Variants in DERA observed in about 807,000 individuals in gnomAD.
The protein encoded by DERA is 2-deoxy-D-ribose 5-phosphate aldolase.
Under a neutral mutation model 41.1 loss-of-function variants are expected in DERA, and 15 were observed. That is an observed-to-expected ratio of 0.37 (90% confidence interval 0.24 to 0.56). DERA has a LOEUF of 0.56. DERA is among the 20% of genes least tolerant of loss of function. DERA has a pLI of 0.81. For missense variants in DERA, 396 were observed against 403.4 expected, an observed-to-expected ratio of 0.98 and a Z score of 0.16; for synonymous variants, 139 against 137.4, an observed-to-expected ratio of 1.01 and a Z score of -0.08.
chr12:15,978,229 C>T (rs958162162), intron 5 of DERA, among the ~76,000 whole-genome samples: 38 of 152,290 alleles, frequency 2.5e-4, no homozygotes, highest in Middle Eastern at 3.4e-3. Flanking sequence ...GTCCTCAAAA[C>T]GACCTAAACA....
chr12:16,019,933 T>A lies in DERA; in HGVS notation c.638-12609T>A, dbSNP rs928970163. Among the ~76,000 whole-genome samples the A allele has an allele frequency of 6.6e-6, 1 of 152,162 alleles. No individual in the cohort carries two copies. The highest frequency in any genetic ancestry group is 1.5e-5 in the Non-Finnish European group (1 of 68,024). ...TCATGAATGGCTTTAGCACCATCCCTTTTGGTGATGAGTGATTTCTTGCTC... is the reference window on the plus strand; with the variant it reads ...TCATGAATGGCTTTAGCACCATCCCATTTGGTGATGAGTGATTTCTTGCTC... On this transcript the variant is annotated intron_variant, in intron 6 of 8. Coordinates refer to ENST00000428559, the MANE Select transcript of DERA (RefSeq NM_015954.4). This position sits in a 1 kb window ranked among gnomAD's most constrained non-coding sequence, Gnocchi z 4.4.
intron 1 of DERA, among the ~76,000 whole-genome samples, chr12:15,926,757 A>AAG (rs1948289197): frequency 6.6e-6 from 1 of 151,326 alleles, no homozygotes; most frequent in Non-Finnish European, 1.5e-5. Flanking sequence ...AAAAAAAAAA[A>AAG]AAAAGAAACA....
In DERA at chr12:16,003,065, T is replaced by C. The variant is rs549245409; in HGVS notation, c.637+20629T>C. Among the ~76,000 whole-genome samples the C allele has an allele frequency of 6.6e-5, 10 of 152,338 alleles. No individual in the cohort carries two copies. The highest frequency in any genetic ancestry group is 2.4e-4 in the African/African-American group (10 of 41,582). On this transcript the variant is annotated intron_variant, in intron 6 of 8. Coordinates refer to ENST00000428559, the MANE Select transcript of DERA (RefSeq NM_015954.4). The surrounding 1 kb of genome is among the most constrained non-coding windows in gnomAD (Gnocchi z 4.8). ...AGTTCTGAGGGTTAGAAGTCTGAGA[T>C]AAGGTGTGAGCAGGGTTAGTTCCTT...
At chr12:16,032,490 T>C in intron 6 of DERA, 52 bp from the exon 7 acceptor site, 1 of 1,045,740 alleles carries the variant, frequency 9.6e-7, no homozygotes, top group South Asian at 1.8e-5. Context: ...GACTCAAAAG[T>C]GTAAAAAAAG....
intron 1 of DERA, among the ~76,000 whole-genome samples, chr12:15,953,323 T>A (rs1378199214): frequency 6.6e-6 from 1 of 152,182 alleles, no homozygotes; most frequent in East Asian, 1.9e-4. Context: ...TATCATTTGG[T>A]GTTACATGCT....
chr12:15,980,651 G>A (rs1264095013), intron 5 of DERA, among the ~76,000 whole-genome samples: 1 of 152,118 alleles, frequency 6.6e-6, no homozygotes, highest in Non-Finnish European at 1.5e-5. Flanking sequence ...GGCAGGGTAA[G>A]GTAGGTGGTG....
In DERA at chr12:15,994,355, T is replaced by G. The variant is rs561499448; in HGVS notation, c.637+11919T>G. ...GACATAGAGGCTAGACCTGTGTTCATGTGTCTGAGATTCTGTTATTCCTTT... is the reference window on the plus strand; with the variant it reads ...GACATAGAGGCTAGACCTGTGTTCAGGTGTCTGAGATTCTGTTATTCCTTT... On this transcript the variant is annotated intron_variant, in intron 6 of 8. Coordinates refer to ENST00000428559, the MANE Select transcript of DERA (RefSeq NM_015954.4). The surrounding 1 kb of genome is among the most constrained non-coding windows in gnomAD (Gnocchi z 4.8). 1.8e-4 allele frequency among the ~76,000 whole-genome samples: 27 copies of G among 152,400 alleles called. No homozygotes were observed. In the East Asian group the frequency reaches 3.7e-3, roughly 21 times the overall value.
intron 1 of DERA, among the ~76,000 whole-genome samples, chr12:15,949,171 G>C (rs529973990): frequency 9.8e-5 from 15 of 152,286 alleles, no homozygotes; most frequent in Non-Finnish European, 1.6e-4. Flanking sequence ...GAGGCAGTCT[G>C]TCCATTCTCA....
At chr12:16,027,519 CAGAG>C (rs1464057614) in intron 6 of DERA, among the ~76,000 whole-genome samples, 1 of 152,144 alleles carries the variant, frequency 6.6e-6, no homozygotes, top group Non-Finnish European at 1.5e-5. Flanking sequence ...AAGAAAGACT[CAGAG>C]GGAGATTAGA....
Position 16,023,720 on chromosome 12 carries a change from G to A in DERA, c.638-8822G>A, listed in dbSNP as rs547488324. ...TCTCGATCTCCTGACCTCGTGATCCGCCCGCCTCGGCCTCCCAAAGTGCTG... is the reference window on the plus strand; with the variant it reads ...TCTCGATCTCCTGACCTCGTGATCCACCCGCCTCGGCCTCCCAAAGTGCTG... On this transcript the variant is annotated intron_variant, in intron 6 of 8. Coordinates refer to ENST00000428559, the MANE Select transcript of DERA (RefSeq NM_015954.4). 4.1e-4 allele frequency among the ~76,000 whole-genome samples: 62 copies of A among 151,872 alleles called. 1 individual carries two copies. The highest frequency in any genetic ancestry group is 1.4e-3 in the African/African-American group (58 of 41,448).
chr12:15,980,184 C>G (rs1030364857), intron 5 of DERA, among the ~76,000 whole-genome samples: 7 of 152,270 alleles, frequency 4.6e-5, no homozygotes, highest in African/African-American at 1.2e-4. Flanking sequence ...ATGCAAAGTA[C>G]TTTGTATATC....
intron 5 of DERA, among the ~76,000 whole-genome samples, chr12:15,969,976 C>T (rs1338009566): frequency 1.3e-5 from 2 of 152,134 alleles, no homozygotes; most frequent in Non-Finnish European, 2.9e-5. Flanking sequence ...TTTTATGCTA[C>T]AATTCTTCAA....
In DERA at chr12:15,931,478, C is replaced by T. The variant is rs1466375122; in HGVS notation, c.31+20064C>T. On this transcript the variant is annotated intron_variant, in intron 1 of 8. Coordinates refer to ENST00000428559, the MANE Select transcript of DERA (RefSeq NM_015954.4). This position sits in a 1 kb window ranked among gnomAD's most constrained non-coding sequence, Gnocchi z 4.6. The stretch of plus-strand genomic sequence containing the variant: ...AATTTCTCTAAGGTGTAATGATTCT[C>T]TCTGTAAGTTAGGCACATTTAGGTG... Among the ~76,000 whole-genome samples the T allele has an allele frequency of 6.6e-6, 1 of 152,212 alleles. No individual in the cohort carries two copies.
intron 5 of DERA, among the ~76,000 whole-genome samples, chr12:15,979,099 T>G (rs1948717056): frequency 6.6e-6 from 1 of 152,220 alleles, no homozygotes; most frequent in Non-Finnish European, 1.5e-5. Context: ...ACTTCTTCAG[T>G]AAATATTCAT....
chr12:15,992,288 G>C lies in DERA; in HGVS notation c.637+9852G>C, dbSNP rs1178341707. ...TTGAAAATTTAGATGCCTCTTTCCA[G>C]ATGTGCCAAAATCTTGTAGAATTTG... is the stretch of plus-strand genomic sequence containing the variant. On this transcript the variant is annotated intron_variant, in intron 6 of 8. Transcript: ENST00000428559. The surrounding 1 kb of genome is among the most constrained non-coding windows in gnomAD (Gnocchi z 4.3). 6.6e-6 allele frequency among the ~76,000 whole-genome samples: 1 copy of C among 152,132 alleles called. No individual in the cohort carries two copies. Among genetic ancestry groups the C allele is most frequent in the Non-Finnish European group, 1.5e-5 (1 of 67,982 alleles).
In DERA at chr12:15,982,246, G is replaced by A. The variant is rs541166947; in HGVS notation, c.509-62G>A. 33 of 1,536,580 alleles carry A rather than the reference G, an allele frequency of 2.1e-5. No individual in the cohort carries two copies. The highest frequency in any genetic ancestry group is 4.6e-5 in the East Asian group (2 of 43,664). Reference sequence around the variant, plus strand: ...GAAATGGGTTCCACCAGCTCTAAACGGCTGCCAAGTTATGTTATCACTTGC... The same window carrying A: ...GAAATGGGTTCCACCAGCTCTAAACAGCTGCCAAGTTATGTTATCACTTGC... On this transcript the variant is annotated intron_variant, in intron 5 of 8. Coordinates refer to ENST00000428559, the MANE Select transcript of DERA (RefSeq NM_015954.4). The surrounding 1 kb of genome is among the most constrained non-coding windows in gnomAD (Gnocchi z 4.0).
intron 7 of DERA, chr12:16,032,997 G>T: frequency 4.2e-6 from 1 of 239,140 alleles, no homozygotes. Context: ...TTCTCACAAG[G>T]TGTTGGCCAG....
At position 15,972,019 on chromosome 12, in the gene DERA, G is replaced by C. The variant is rs1472292375; in HGVS notation, c.508+9072G>C. ...GTCTCATAGGAAGACAGCACCTCGTGTAGCTTCCTGCGATCTGACCAGGAG... is the reference window on the plus strand; with the variant it reads ...GTCTCATAGGAAGACAGCACCTCGTCTAGCTTCCTGCGATCTGACCAGGAG... On this transcript the variant is annotated intron_variant, in intron 5 of 8. Transcript: ENST00000428559. This position sits in a 1 kb window ranked among gnomAD's most constrained non-coding sequence, Gnocchi z 4.4. 5.9e-6 allele frequency: 1 copy of C among 170,802 alleles called. No homozygotes were observed. Among genetic ancestry groups the C allele is most frequent in the African/African-American group, 2.4e-5 (1 of 41,528 alleles). 10.6% of individuals were successfully genotyped at this position (170,802 alleles called of 1,614,324 possible).
rs1948815414 is a variant in DERA, at chr12:15,993,468, T to C, written c.637+11032T>C. On this transcript the variant is annotated intron_variant, in intron 6 of 8. Transcript: ENST00000428559. The surrounding 1 kb of genome is among the most constrained non-coding windows in gnomAD (Gnocchi z 4.4). ...TCCAGATGGCACATCTAGACTCCTG[T>C]GGTGTTGTGGCCTTTTTTTTTTTTT... Among the ~76,000 whole-genome samples, 1 of 151,098 alleles carries C rather than the reference T, an allele frequency of 6.6e-6. No homozygotes were observed. Among genetic ancestry groups the C allele is most frequent in the South Asian group, 2.1e-4 (1 of 4,782 alleles).
Sources: allele counts gnomAD v4.1 joint callset (sites outside exome capture counted in the v4.1 genomes callset), GRCh38; gene constraint gnomAD v4.1.1; non-coding constraint Gnocchi (gnomAD v3.1); transcripts MANE v1.5; gene names NCBI Gene and HGNC (gene_info 2026-07-23, HGNC 2026-07-21).